The following GRM5 variants were observed in gnomAD, a reference collection of about 807,000 sequenced individuals.
GRM5 encodes the protein glutamate metabotropic receptor 5.
In GRM5, 19 loss-of-function variants were observed where a neutral mutation model predicts 83.1. That is an observed-to-expected ratio of 0.23 (90% CI 0.16 to 0.34). GRM5 has a LOEUF of 0.34. GRM5 is among the 10% of genes least tolerant of loss of function. The probability of loss-of-function intolerance (pLI) is 1.00; values close to 1 mark genes in which losing one functional copy is unlikely to be tolerated. For missense variants in GRM5, 1,160 were observed against 1,588.3 expected (o/e 0.73, Z 4.58); for synonymous variants, 675 against 633.6 (o/e 1.07, Z -0.98).
At chr11:88,994,973 G>A (rs1266172359) in intron 2 of GRM5, among the ~76,000 whole-genome samples, 1 of 152,018 alleles carries the variant, frequency 6.6e-6, no homozygotes, top group African/African-American at 2.4e-5. Flanking sequence ...ATTATTTAAA[G>A]AATGTTTATT....
At chr11:88,836,904 A>C (rs1205062835) in intron 3 of GRM5, among the ~76,000 whole-genome samples, 1 of 152,230 alleles carries the variant, frequency 6.6e-6, no homozygotes, top group African/African-American at 2.4e-5. Context: ...AGCACAGAAT[A>C]ATATTCAGTT....
intron 2 of GRM5, among the ~76,000 whole-genome samples, chr11:88,948,209 C>T (rs1938344795): frequency 6.6e-6 from 1 of 152,188 alleles, no homozygotes; most frequent in Non-Finnish European, 1.5e-5. Flanking sequence ...TAATTGAAAA[C>T]TACTGGTATA....
At chr11:88,629,606 A>G (rs952667123) in intron 4 of GRM5, among the ~76,000 whole-genome samples, 2 of 151,964 alleles carry the variant, frequency 1.3e-5, no homozygotes, top group African/African-American at 2.4e-5. Context: ...TATTCTCTCT[A>G]CTTGGCCACT....
intron 8 of GRM5, among the ~76,000 whole-genome samples, chr11:88,528,330 C>A (rs1291543060): frequency 6.6e-6 from 1 of 151,888 alleles, no homozygotes; most frequent in Non-Finnish European, 1.5e-5. Flanking sequence ...CAGATAGGAC[C>A]CTACTTGCCT....
At chr11:88,535,081 C>G (rs545013511) in intron 8 of GRM5, among the ~76,000 whole-genome samples, 1 of 152,086 alleles carries the variant, frequency 6.6e-6, no homozygotes, top group South Asian at 2.1e-4. Flanking sequence ...TGCACAGTCT[C>G]GGGTATGTCT....
chr11:89,022,073 C>G (rs1457993191), intron 2 of GRM5, among the ~76,000 whole-genome samples: 1 of 152,040 alleles, frequency 6.6e-6, no homozygotes, highest in Non-Finnish European at 1.5e-5. Flanking sequence ...ATATTTTTCC[C>G]CAGCATATCA....
intron 8 of GRM5, among the ~76,000 whole-genome samples, chr11:88,535,620 T>C (rs12293508): frequency 0.039 from 5,958 of 152,316 alleles, 419 homozygotes; most frequent in African/African-American, 0.14. Context: ...AGTTAGGTTA[T>C]AGACTTTCTG....
intron 2 of GRM5, among the ~76,000 whole-genome samples, chr11:89,024,500 C>T (rs1189873022): frequency 6.6e-6 from 1 of 152,130 alleles, no homozygotes; most frequent in Non-Finnish European, 1.5e-5. Context: ...TTTTAATTTG[C>T]TTCAAATAAT....
intron 3 of GRM5, among the ~76,000 whole-genome samples, chr11:88,699,027 T>A (rs1252385074): frequency 2.6e-5 from 4 of 152,084 alleles, no homozygotes; most frequent in African/African-American, 9.7e-5. Flanking sequence ...TATTTCAAGG[T>A]ACAGATGGAG....
intron 9 of GRM5, among the ~76,000 whole-genome samples, chr11:88,522,690 G>A (rs1565323065): frequency 1.3e-5 from 2 of 151,252 alleles, no homozygotes; most frequent in East Asian, 3.9e-4. Context: ...GAGATACTAG[G>A]AAGGGAAGAT....
At chr11:88,543,505 A>T (rs2135135249) in intron 8 of GRM5, among the ~76,000 whole-genome samples, 1 of 152,246 alleles carries the variant, frequency 6.6e-6, no homozygotes, top group Middle Eastern at 3.4e-3. Context: ...AAGACTCAAT[A>T]ATAAAAAAAG....
At position 88,884,524 on chromosome 11, in the gene GRM5, G is replaced by A. The variant is rs192852965; in HGVS notation, c.662-34369C>T. The stretch of plus-strand genomic sequence containing the variant: ...TGCTGAAATGAGTTAAACCTTTTGG[G>A]GACTGTTGGGAAAGTATGATTGTGT... On this transcript the variant is annotated intron_variant, in intron 2 of 9. Transcript: ENST00000305447. Among the ~76,000 whole-genome samples the A allele has an allele frequency of 9.2e-5, 14 of 152,244 alleles. No homozygotes were observed. In the East Asian group the frequency reaches 1.5e-3, roughly 17 times the overall value.
intron 9 of GRM5, among the ~76,000 whole-genome samples, chr11:88,514,168 C>T (rs1941461820): frequency 6.6e-6 from 1 of 152,056 alleles, no homozygotes; most frequent in Non-Finnish European, 1.5e-5. Context: ...CACCATTTAA[C>T]CCTTTTGCAA....
intron 8 of GRM5, among the ~76,000 whole-genome samples, chr11:88,535,289 C>A (rs1000473489): frequency 1.3e-5 from 2 of 152,108 alleles, no homozygotes; most frequent in African/African-American, 2.4e-5. Flanking sequence ...TCAGTTTTAG[C>A]CAATGATCAT....
intron 2 of GRM5, among the ~76,000 whole-genome samples, chr11:88,968,915 C>T (rs1939078026): frequency 6.6e-6 from 1 of 151,924 alleles, no homozygotes; most frequent in Non-Finnish European, 1.5e-5. Context: ...TAGCCAGGAT[C>T]GGGTTTTTTA....
chr11:89,042,574 T>C (rs770774093), intron 2 of GRM5, among the ~76,000 whole-genome samples: 2 of 152,230 alleles, frequency 1.3e-5, no homozygotes, highest in African/African-American at 2.4e-5. Context: ...TTGTTTTAAC[T>C]CTCAGCACTG....
At chr11:89,062,562 G>A (rs1440315591) in intron 1 of GRM5, among the ~76,000 whole-genome samples, 1 of 152,190 alleles carries the variant, frequency 6.6e-6, no homozygotes, top group Non-Finnish European at 1.5e-5. Flanking sequence ...TATTGAAAAA[G>A]TAAAGTATTG....
At chr11:88,993,036 TA>T (rs1218498334) in intron 2 of GRM5, among the ~76,000 whole-genome samples, 4 of 149,164 alleles carry the variant, frequency 2.7e-5, no homozygotes, top group Admixed American at 6.6e-5. Flanking sequence ...AATAAAATAA[TA>T]AAAAAATAAA....
intron 2 of GRM5, chr11:88,984,570 T>C (rs905685579): frequency 3.3e-5 from 15 of 449,568 alleles, no homozygotes; most frequent in Non-Finnish European, 4.0e-6. Flanking sequence ...TGCAGCTAAT[T>C]AGCAATATCT....
Sources: gnomAD v4.1 joint callset for allele counts (sites outside exome capture counted in the v4.1 genomes callset) on GRCh38, gnomAD v4.1.1 for gene constraint, MANE v1.5 for transcripts, NCBI Gene and HGNC (gene_info 2026-07-23, HGNC 2026-07-21) for gene names.